Variants in LARP1 observed in about 807,000 individuals in gnomAD.
The protein encoded by LARP1 is la-related protein 1.
Under a neutral mutation model 122.7 loss-of-function variants are expected in LARP1, and 36 were observed. The ratio of observed to expected loss-of-function variants is 0.29; its 90% confidence interval spans 0.22 to 0.39. The LOEUF (loss-of-function observed/expected upper bound fraction) is 0.39, where lower values mean the gene tolerates loss of function less well. LARP1 is among the 10% of genes least tolerant of loss of function. The pLI, the probability that LARP1 is intolerant of heterozygous loss-of-function variation, is 1.00. For synonymous variants in LARP1, 539 were observed against 528.7 expected, an observed-to-expected ratio of 1.02 and a Z score of -0.27; for missense variants, 1,040 against 1,403.6, an observed-to-expected ratio of 0.74 and a Z score of 4.14.
At position 154,755,539 on chromosome 5, in the gene LARP1, G is replaced by A. The variant is rs1211709083; in HGVS notation, c.-219G>A. On this transcript the variant is annotated 5_prime_UTR_variant, in exon 1 of 19. Transcript: ENST00000518297. ...TAGGAGGCCTGGACTGCAGAGTGGG[G>A]GGCCTTCCTCCCCCCCCGCCCCGCT... 1.0e-6 allele frequency: 1 copy of A among 986,832 alleles called. No individual in the cohort carries two copies. Among genetic ancestry groups the A allele is most frequent in the African/African-American group, 1.7e-5 (1 of 57,220 alleles). 61.1% of individuals were successfully genotyped at this position (986,832 alleles called of 1,614,324 possible). A position where few individuals can be genotyped will look rare whatever the true frequency, so the allele number is the denominator to read the frequency against.
chr5:154,712,827 C>G, upstream of LARP1: 1 of 1,089,548 alleles, frequency 9.2e-7, no homozygotes, highest in Non-Finnish European at 1.4e-6. Context: ...AGCCTGGCAA[C>G]CTGGAGAGCT....
rs1381651779 is a variant in LARP1, at chr5:154,706,227, G to A, written c.-180+23190G>A. ...GAGAATCACTTGAACCTGAGAGGCAGAGGTTGCAGTGAGCCAAGATGGCAC... is the reference window on the plus strand; with the variant it reads ...GAGAATCACTTGAACCTGAGAGGCAAAGGTTGCAGTGAGCCAAGATGGCAC... On this transcript the variant is annotated intron_variant, in intron 1 of 18. Transcript: ENST00000687700. Among the ~76,000 whole-genome samples, 3 of 152,030 alleles carry A rather than the reference G, an allele frequency of 2.0e-5. No individual in the cohort carries two copies. In the East Asian group the frequency reaches 5.8e-4, roughly 29 times the overall value.
chr5:154,745,807 T>C lies in LARP1; in HGVS notation c.205+32677T>C, dbSNP rs553093960. On this transcript the variant is annotated intron_variant, in intron 1 of 18. Coordinates refer to the LARP1 transcript ENST00000336314. ...CTAAACCCAACTGTTTTTTTTTTTT[T>C]TTTTCTTGAGACGAAGTCTCACTCT... Among the ~76,000 whole-genome samples the C allele has an allele frequency of 1.5e-3, 223 of 151,968 alleles. 1 individual carries two copies. The highest frequency in any genetic ancestry group is 5.1e-3 in the African/African-American group (213 of 41,438).
Position 154,744,616 on chromosome 5 carries a change from A to ATTTTTTTTTTT in LARP1, c.205+31515_205+31525dup, listed in dbSNP as rs748853573. Among the ~76,000 whole-genome samples the ATTTTTTTTTTT allele has an allele frequency of 1.3e-4, 9 of 71,994 alleles. 1 individual carries two copies. Among genetic ancestry groups the ATTTTTTTTTTT allele is most frequent in the African/African-American group, 2.8e-4 (5 of 18,050 alleles). The allele number at this position is 71,994 out of a possible 152,430, so 47.2% of individuals were successfully genotyped here. A position where few individuals can be genotyped will look rare whatever the true frequency, so the allele number is the denominator to read the frequency against. ...CAGGGGAAAGGGCATTGGATATGCA[A>ATTTTTTTTTTT]TTTTTTTTTTTTTTTTTTTTTTTTT... On this transcript the variant is annotated intron_variant, in intron 1 of 18. Transcript: ENST00000336314.
chr5:154,733,266 G>A (rs1254856684), intron 1 of LARP1, among the ~76,000 whole-genome samples: 1 of 152,202 alleles, frequency 6.6e-6, no homozygotes. Context: ...GACAAGTTAC[G>A]ACACCGTGTT....
chr5:154,809,972 G>A (rs912555873), intron 16 of LARP1, among the ~76,000 whole-genome samples: 4 of 151,948 alleles, frequency 2.6e-5, no homozygotes, highest in Non-Finnish European at 5.9e-5. Flanking sequence ...CTCCCAAAGT[G>A]CTGGGATTAC....
rs1244081299 is a variant in LARP1, at chr5:154,795,466, CTCCT to C, written c.1377+157_1377+160del. The C allele has an allele frequency of 9.9e-6, 7 of 710,444 alleles. No individual in the cohort carries two copies. The East Asian group carries it at 1.1e-4, about 11-fold the overall frequency. 44.0% of individuals were successfully genotyped at this position (710,444 alleles called of 1,614,324 possible). ...AGGCTTGGCTAGTCTCCTCCTCTCCCTCCTTCCTTCCTTTCTCTCCCTCTCTTGC... is the reference window on the plus strand; with the variant it reads ...AGGCTTGGCTAGTCTCCTCCTCTCCCTCCTTCCTTTCTCTCCCTCTCTTGC... On this transcript the variant is annotated intron_variant, in intron 8 of 18. Transcript: ENST00000518297.
At chr5:154,782,174 A>T (rs1412241653) in intron 1 of LARP1, among the ~76,000 whole-genome samples, 2 of 152,146 alleles carry the variant, frequency 1.3e-5, no homozygotes, top group Non-Finnish European at 2.9e-5. Context: ...TCTTTTTGAG[A>T]TAATTAAGTA....
chr5:154,690,872 A>C (rs1582141648), intron 1 of LARP1, among the ~76,000 whole-genome samples: 4 of 152,176 alleles, frequency 2.6e-5, no homozygotes, highest in African/African-American at 7.2e-5. Context: ...TATAAAAAAA[A>C]CCCCGGATTC....
chr5:154,743,957 C>A (rs1005001104), intron 1 of LARP1, among the ~76,000 whole-genome samples: 4 of 152,186 alleles, frequency 2.6e-5, no homozygotes, highest in Admixed American at 2.6e-4. Flanking sequence ...GTGATTTCCG[C>A]TTTCTCCAAG....
At chr5:154,724,955 C>T (rs1286043176) in intron 1 of LARP1, among the ~76,000 whole-genome samples, 2 of 152,206 alleles carry the variant, frequency 1.3e-5, no homozygotes, top group Non-Finnish European at 2.9e-5. Flanking sequence ...CATGAGCCAT[C>T]TCGCCTGGCC....
At chr5:154,744,317 G>A (rs1425780286) in intron 1 of LARP1, among the ~76,000 whole-genome samples, 1 of 152,078 alleles carries the variant, frequency 6.6e-6, no homozygotes, top group African/African-American at 2.4e-5. Flanking sequence ...TCTCACCTAT[G>A]ACACTCTCTG....
chr5:154,758,624 A>T (rs1419347888), intron 1 of LARP1, among the ~76,000 whole-genome samples: 1 of 152,156 alleles, frequency 6.6e-6, no homozygotes, highest in East Asian at 1.9e-4. Flanking sequence ...TAAACGTGAC[A>T]CTAGTGGAGT....
At chr5:154,689,848 G>A (rs1417867926) in intron 1 of LARP1, among the ~76,000 whole-genome samples, 4 of 152,094 alleles carry the variant, frequency 2.6e-5, no homozygotes, top group East Asian at 1.9e-4. Context: ...AGGCCAAGGC[G>A]GGCGGATCAC....
At chr5:154,789,471 T>C (rs1757173331) in intron 1 of LARP1, among the ~76,000 whole-genome samples, 1 of 152,032 alleles carries the variant, frequency 6.6e-6, no homozygotes, top group African/African-American at 2.4e-5. Context: ...TCCACCTGCC[T>C]TGGCCCCCCA....
At chr5:154,693,552 C>T (rs896529864) in intron 1 of LARP1, among the ~76,000 whole-genome samples, 1 of 152,060 alleles carries the variant, frequency 6.6e-6, no homozygotes, top group Non-Finnish European at 1.5e-5. Context: ...ACTTGAATTG[C>T]CCAGATGAAA....
upstream of LARP1, among the ~76,000 whole-genome samples, chr5:154,710,067 G>A (rs951245118): frequency 1.2e-4 from 18 of 152,108 alleles, no homozygotes; most frequent in African/African-American, 4.1e-4. Context: ...CTGACAGGAG[G>A]TGGAGCTCAG....
chr5:154,729,425 C>T, intron 1 of LARP1: 1 of 373,054 alleles, frequency 2.7e-6, no homozygotes, highest in East Asian at 6.8e-5. Flanking sequence ...TACAGTGTTA[C>T]CTAGCATGCT....
chr5:154,800,088 A>C (rs1758221819), intron 10 of LARP1, 46 bp downstream of exon 10: 5 of 1,581,790 alleles, frequency 3.2e-6, no homozygotes, highest in Non-Finnish European at 4.3e-6. Context: ...ACTCTGAGCT[A>C]GGGTGCTTGA....
Sources: allele counts gnomAD v4.1 joint callset (sites outside exome capture counted in the v4.1 genomes callset), GRCh38; gene constraint gnomAD v4.1.1; transcripts MANE v1.5; gene names NCBI Gene and HGNC (gene_info 2026-07-23, HGNC 2026-07-21).